The following PTPRT variants were observed in gnomAD, a reference collection of about 807,000 sequenced individuals.
PTPRT encodes receptor-type tyrosine-protein phosphatase T.
PTPRT carries 56 observed loss-of-function variants against 176.8 expected under a neutral mutation model. That is an observed-to-expected ratio of 0.32 (90% CI 0.26 to 0.40). PTPRT has a LOEUF of 0.40. Among genes scored for constraint, PTPRT ranks in the 10% least tolerant of loss-of-function variants. The pLI is 1.00. For synonymous variants in PTPRT, 783 were observed against 739.0 expected (o/e 1.06, Z -0.96); for missense variants, 1,540 against 1,908.2 (o/e 0.81, Z 3.60).
chr20:42,502,742 C>T (rs2071774098), intron 7 of PTPRT, among the ~76,000 whole-genome samples: 2 of 152,046 alleles, frequency 1.3e-5, no homozygotes, highest in South Asian at 4.1e-4. Context: ...TATTAGTGAG[C>T]AAGGCTGCTC....
intron 15 of PTPRT, among the ~76,000 whole-genome samples, chr20:42,220,060 C>G (rs962832448): frequency 6.9e-6 from 1 of 144,506 alleles, no homozygotes; most frequent in Non-Finnish European, 1.5e-5. Context: ...TATTTTTCAA[C>G]ATATAAAAAT....
At chr20:42,165,287 A>C (rs768589451) in intron 16 of PTPRT, among the ~76,000 whole-genome samples, 5 of 152,206 alleles carry the variant, frequency 3.3e-5, no homozygotes, top group African/African-American at 4.8e-5. Flanking sequence ...AGAAATATTT[A>C]ATGAGTACCT....
chr20:42,678,226 T>C, intron 6 of PTPRT, 67 bp from the exon 7 acceptor site: 1 of 1,467,112 alleles, frequency 6.8e-7, no homozygotes, highest in South Asian at 1.2e-5. Flanking sequence ...TACAAGCACA[T>C]GACGACAAGG....
At chr20:42,700,205 G>A (rs2075954233) in intron 6 of PTPRT, among the ~76,000 whole-genome samples, 1 of 152,064 alleles carries the variant, frequency 6.6e-6, no homozygotes, top group Non-Finnish European at 1.5e-5. Context: ...ACCTCATTTC[G>A]ATGTGACCAC....
chr20:42,782,424 G>C (rs73098055), intron 3 of PTPRT, among the ~76,000 whole-genome samples: 1 of 152,230 alleles, frequency 6.6e-6, no homozygotes, highest in Non-Finnish European at 1.5e-5. Context: ...TCAATGACGT[G>C]AATCCAACAG....
chr20:43,119,682 T>C (rs1424769230), intron 1 of PTPRT, among the ~76,000 whole-genome samples: 1 of 152,202 alleles, frequency 6.6e-6, no homozygotes, highest in Non-Finnish European at 1.5e-5. Flanking sequence ...ATTCATCCTT[T>C]TTATGATTAT....
chr20:42,886,647 T>C (rs2079108041), intron 1 of PTPRT, among the ~76,000 whole-genome samples: 1 of 152,224 alleles, frequency 6.6e-6, no homozygotes, highest in African/African-American at 2.4e-5. Context: ...CCTTTAACTT[T>C]AAAGGTCAAG....
At chr20:42,752,102 C>T (rs1338855555) in intron 6 of PTPRT, among the ~76,000 whole-genome samples, 1 of 152,148 alleles carries the variant, frequency 6.6e-6, no homozygotes, top group East Asian at 1.9e-4. Flanking sequence ...CCACACTTTA[C>T]AGAACAGGCC....
chr20:42,215,351 A>C (rs2055743509), intron 15 of PTPRT, among the ~76,000 whole-genome samples: 1 of 152,174 alleles, frequency 6.6e-6, no homozygotes, highest in African/African-American at 2.4e-5. Flanking sequence ...AATAGAATTT[A>C]ATATACCCTA....
intron 1 of PTPRT, among the ~76,000 whole-genome samples, chr20:43,036,639 C>A (rs552656328): frequency 2.6e-5 from 4 of 152,036 alleles, no homozygotes; most frequent in African/African-American, 9.7e-5. Context: ...CTGAAGTTAG[C>A]TATGAAAGGT....
At chr20:42,959,844 G>C (rs1981887559) in intron 1 of PTPRT, among the ~76,000 whole-genome samples, 1 of 152,170 alleles carries the variant, frequency 6.6e-6, no homozygotes, top group Non-Finnish European at 1.5e-5. Context: ...GGGAGTCCAA[G>C]AGAGAACAAG....
At chr20:42,573,941 G>A (rs1053251143) in intron 7 of PTPRT, among the ~76,000 whole-genome samples, 6 of 152,018 alleles carry the variant, frequency 3.9e-5, no homozygotes, top group Admixed American at 2.6e-4. Context: ...GTAGAGACGG[G>A]GTTTCACCAT....
At chr20:42,719,095 G>A (rs1375141592) in intron 6 of PTPRT, among the ~76,000 whole-genome samples, 1 of 152,230 alleles carries the variant, frequency 6.6e-6, no homozygotes, top group Admixed American at 6.5e-5. Flanking sequence ...ATGAATGGTT[G>A]AGCCAATGAT....
intron 2 of PTPRT, among the ~76,000 whole-genome samples, chr20:42,837,179 T>C (rs1017898265): frequency 2.0e-5 from 3 of 152,116 alleles, no homozygotes; most frequent in Non-Finnish European, 4.4e-5. Flanking sequence ...TGGATTCAGC[T>C]CCAGTTCTTT....
intron 17 of PTPRT, 56 bp downstream of exon 17, chr20:42,161,296 T>G: frequency 1.3e-6 from 2 of 1,599,136 alleles, no homozygotes; most frequent in East Asian, 4.5e-5. Flanking sequence ...AAGGCTTTAG[T>G]GCCCAAATAA....
At chr20:42,749,524 T>G (rs1015327772) in intron 6 of PTPRT, among the ~76,000 whole-genome samples, 5 of 152,230 alleles carry the variant, frequency 3.3e-5, no homozygotes. Flanking sequence ...AAGGCAAGCC[T>G]AGCTCTGCCA....
chr20:43,064,164 C>T (rs1448784308), intron 1 of PTPRT, among the ~76,000 whole-genome samples: 1 of 152,136 alleles, frequency 6.6e-6, no homozygotes. Flanking sequence ...AAATTTACAA[C>T]TGAATTCTAG....
chr20:43,064,132 G>A (rs528550155), intron 1 of PTPRT, among the ~76,000 whole-genome samples: 4 of 152,140 alleles, frequency 2.6e-5, no homozygotes, highest in African/African-American at 9.6e-5. Flanking sequence ...ACATTTCCCA[G>A]GATCCCTTGC....
At chr20:42,549,125 C>G (rs2072724354) in intron 7 of PTPRT, among the ~76,000 whole-genome samples, 1 of 152,038 alleles carries the variant, frequency 6.6e-6, no homozygotes, top group Non-Finnish European at 1.5e-5. Context: ...CTCACAGGGC[C>G]CTCTGGGTGA....
Sources: gnomAD v4.1 joint callset for allele counts (sites outside exome capture counted in the v4.1 genomes callset) on GRCh38, gnomAD v4.1.1 for gene constraint, MANE v1.5 for transcripts, NCBI Gene and HGNC (gene_info 2026-07-23, HGNC 2026-07-21) for gene names.